CPA6: variants seen among roughly 807,000 people sequenced by gnomAD.
The protein encoded by CPA6 is carboxypeptidase B.
CPA6 carries 58 observed loss-of-function variants against 63.3 expected under a neutral mutation model. That is an observed-to-expected ratio of 0.92 (90% CI 0.74 to 1.14). CPA6 has a LOEUF of 1.14. Ranked by LOEUF, CPA6 falls within the 50% of genes most tolerant of loss-of-function variation. CPA6 has a pLI of 0.00. For synonymous variants in CPA6, 185 were observed against 179.0 expected (o/e 1.03, Z -0.27); for missense variants, 565 against 526.6 (o/e 1.07, Z -0.71).
At chr8:67,470,750 C>G (rs1443488608) in intron 8 of CPA6, among the ~76,000 whole-genome samples, 2 of 151,936 alleles carry the variant, frequency 1.3e-5, no homozygotes, top group Non-Finnish European at 1.5e-5. Context: ...TTTAAAATAA[C>G]AATTCTTCAC....
chr8:67,450,376 A>G (rs1226649934), intron 8 of CPA6, among the ~76,000 whole-genome samples: 8 of 152,202 alleles, frequency 5.3e-5, no homozygotes, highest in Admixed American at 2.6e-4. Context: ...CTAAAGATAA[A>G]TTACTTGCTT....
At chr8:67,508,009 G>GTGTGTGTT (rs1364167276) in intron 5 of CPA6, among the ~76,000 whole-genome samples, 1 of 50,098 alleles carries the variant, frequency 2.0e-5, no homozygotes. Context: ...TTGTGTGTGT[G>GTGTGTGTT]TGTGTGTGTG....
At chr8:67,613,964 T>A (rs2128985491) in intron 2 of CPA6, among the ~76,000 whole-genome samples, 1 of 152,186 alleles carries the variant, frequency 6.6e-6, no homozygotes, top group South Asian at 2.1e-4. Context: ...GTCGGGCCTA[T>A]TCCAGCTCCC....
intron 8 of CPA6, among the ~76,000 whole-genome samples, chr8:67,448,853 T>C (rs1261755173): frequency 6.6e-6 from 1 of 152,120 alleles, no homozygotes; most frequent in Non-Finnish European, 1.5e-5. Flanking sequence ...ATGTTATCAA[T>C]CATCCCTTCA....
At chr8:67,687,496 T>C (rs1227490060) in intron 1 of CPA6, among the ~76,000 whole-genome samples, 1 of 152,258 alleles carries the variant, frequency 6.6e-6, no homozygotes, top group African/African-American at 2.4e-5. Context: ...CAATTTTTGC[T>C]GTTTATCAGT....
intron 1 of CPA6, among the ~76,000 whole-genome samples, chr8:67,666,070 T>C (rs1291939183): frequency 6.6e-6 from 1 of 152,260 alleles, no homozygotes; most frequent in South Asian, 2.1e-4. Context: ...AAGAGTTTTA[T>C]GAACATGATC....
intron 8 of CPA6, among the ~76,000 whole-genome samples, chr8:67,475,817 CCTTTCTTTT>C (rs1309004503): frequency 1.3e-4 from 4 of 31,568 alleles, no homozygotes; most frequent in East Asian, 1.8e-3. Flanking sequence ...TTCTTTCTTT[CCTTTCTTTT>C]CTTTCTTTCT....
intron 1 of CPA6, among the ~76,000 whole-genome samples, chr8:67,653,173 G>A (rs1157569495): frequency 6.6e-6 from 1 of 150,524 alleles, no homozygotes; most frequent in Non-Finnish European, 1.5e-5. Context: ...GTCAGGTAGT[G>A]TGATGCCTCC....
At chr8:67,476,602 A>G (rs1370380587) in intron 8 of CPA6, among the ~76,000 whole-genome samples, 1 of 145,498 alleles carries the variant, frequency 6.9e-6, no homozygotes, top group East Asian at 2.0e-4. Context: ...TTCAATTCAT[A>G]TGGTTATTCT....
chr8:67,592,923 C>T (rs1176275289), intron 2 of CPA6, among the ~76,000 whole-genome samples: 98 of 151,778 alleles, frequency 6.5e-4, no homozygotes, highest in African/African-American at 2.1e-3. Flanking sequence ...TTGCCTTCTG[C>T]TAGCTTTTGA....
At chr8:67,745,316 A>C (rs989665901) in intron 1 of CPA6, among the ~76,000 whole-genome samples, 9 of 152,198 alleles carry the variant, frequency 5.9e-5, no homozygotes, top group Non-Finnish European at 1.0e-4. Context: ...TGTCTATACC[A>C]CAGCAAGCCT....
At chr8:67,426,544 T>C (rs1809889677) in intron 10 of CPA6, among the ~76,000 whole-genome samples, 1 of 152,192 alleles carries the variant, frequency 6.6e-6, no homozygotes, top group Non-Finnish European at 1.5e-5. Context: ...AAACTATTGA[T>C]ACTCCTGACA....
intron 1 of CPA6, among the ~76,000 whole-genome samples, chr8:67,644,504 C>CT (rs1168030227): frequency 6.6e-6 from 1 of 152,182 alleles, no homozygotes; most frequent in East Asian, 1.9e-4. Flanking sequence ...CACAGTAACT[C>CT]TAACATGTGA....
chr8:67,424,198 T>C (rs1587409112), intron 10 of CPA6, among the ~76,000 whole-genome samples: 1 of 152,344 alleles, frequency 6.6e-6, no homozygotes, highest in South Asian at 2.1e-4. Flanking sequence ...TTCTACATTA[T>C]GGTGAATTAC....
intron 1 of CPA6, among the ~76,000 whole-genome samples, chr8:67,709,013 T>C (rs143530908): frequency 1.6e-3 from 238 of 152,286 alleles, no homozygotes; most frequent in African/African-American, 5.5e-3. Context: ...AGCAGCTTCC[T>C]GATAAGCTCT....
chr8:67,568,098 G>A (rs763605205), intron 2 of CPA6, among the ~76,000 whole-genome samples: 6 of 152,124 alleles, frequency 3.9e-5, no homozygotes, highest in Non-Finnish European at 7.4e-5. Flanking sequence ...CTGTCTGCCC[G>A]GGGTCAGTAC....
intron 8 of CPA6, among the ~76,000 whole-genome samples, chr8:67,437,981 T>C (rs1426951526): frequency 2.0e-5 from 3 of 152,086 alleles, no homozygotes; most frequent in Non-Finnish European, 4.4e-5. Context: ...AGTGGTGCAA[T>C]CTCAGCTCAC....
intron 10 of CPA6, among the ~76,000 whole-genome samples, chr8:67,427,411 A>G (rs1186365996): frequency 6.6e-6 from 1 of 152,166 alleles, no homozygotes; most frequent in Non-Finnish European, 1.5e-5. Context: ...TCCTGTACAC[A>G]TAGAATTAAT....
At chr8:67,571,699 A>C (rs559020455) in intron 2 of CPA6, among the ~76,000 whole-genome samples, 80 of 152,312 alleles carry the variant, frequency 5.3e-4, no homozygotes, top group African/African-American at 1.8e-3. Flanking sequence ...AAGCAGTTGT[A>C]AGAGGAAAGT....
Sources: allele counts gnomAD v4.1 joint callset (sites outside exome capture counted in the v4.1 genomes callset), GRCh38; gene constraint gnomAD v4.1.1; transcripts MANE v1.5; gene names NCBI Gene and HGNC (gene_info 2026-07-23, HGNC 2026-07-21).